The following SLC5A10 variants were observed in gnomAD, a reference collection of about 807,000 sequenced individuals.
SLC5A10 encodes solute carrier family 5 member 10.
Under a neutral mutation model 68.9 loss-of-function variants are expected in SLC5A10, and 55 were observed. The ratio of observed to expected loss-of-function variants is 0.80; its 90% CI spans 0.64 to 1.00. The LOEUF (loss-of-function observed/expected upper bound fraction) is 1.00. SLC5A10 is among the 50% of genes least tolerant of loss of function. The probability of loss-of-function intolerance (pLI) is 0.00; values close to 1 mark genes in which losing one functional copy is unlikely to be tolerated. For missense variants in SLC5A10, 732 were observed against 819.3 expected (o/e 0.89, Z 1.30); for synonymous variants, 344 against 344.8 (o/e 1.00, Z 0.02).
chr17:19,003,897 C>G lies in SLC5A10; in HGVS notation c.983-9513C>G. On this transcript the variant is annotated intron_variant, in intron 9 of 14. Coordinates refer to ENST00000395645, the MANE Select transcript of SLC5A10 (RefSeq NM_001042450.4). This position sits in a 1 kb window ranked among gnomAD's most constrained non-coding sequence, Gnocchi z 4.5. ...TCTCGGATGTTCTCCCGCTTGAGCA[C>G]CTCGTAGAAGGCGTCCCGGCCGCGG... 1 of 1,613,038 alleles carries G rather than the reference C, an allele frequency of 6.2e-7. No individual in the cohort carries two copies. Among genetic ancestry groups the G allele is most frequent in the Non-Finnish European group, 8.5e-7 (1 of 1,179,940 alleles).
Position 19,019,148 on chromosome 17 carries a change from C to T in SLC5A10, c.1242-275C>T, listed in dbSNP as rs936986505. 54 of 431,412 alleles carry T rather than the reference C, an allele frequency of 1.3e-4. 2 individuals carry two copies. Among genetic ancestry groups the T allele is most frequent in the Admixed American group, 4.1e-5 (1 of 24,534 alleles). The allele number at this position is 431,412 out of a possible 1,614,324, so 26.7% of individuals were successfully genotyped here. ...CAAGAGGGAGCTCCATGGCGGAGCT[C>T]CAAGGGCTGGCTCCGCAGAGACCCC... On this transcript the variant is annotated intron_variant, in intron 11 of 14. Transcript: ENST00000395645.
intron 5 of SLC5A10, among the ~76,000 whole-genome samples, chr17:18,964,794 C>G (rs2042677786): frequency 1.3e-5 from 2 of 152,154 alleles, no homozygotes; most frequent in African/African-American, 2.4e-5. Flanking sequence ...CCACGCAGAG[C>G]CTCTGGGCAG....
intron 1 of SLC5A10, among the ~76,000 whole-genome samples, chr17:18,958,197 A>C (rs1489875206): frequency 6.6e-6 from 1 of 152,168 alleles, no homozygotes; most frequent in Non-Finnish European, 1.5e-5. Context: ...CAGTGTCCTA[A>C]GTAGCGGGGG....
At chr17:19,015,265 TGAGGGATGAGCCGGA>T in intron 11 of SLC5A10, 66 bp downstream of exon 11, 1 of 1,167,834 alleles carries the variant, frequency 8.6e-7, no homozygotes, top group Non-Finnish European at 1.2e-6. Flanking sequence ...GCACTGACTT[TGAGGGATGAGCCGGA>T]GTTTGCCACT....
chr17:19,011,910 C>T (rs1428303501), intron 9 of SLC5A10, among the ~76,000 whole-genome samples: 1 of 151,442 alleles, frequency 6.6e-6, no homozygotes. Flanking sequence ...AGGGACGTAT[C>T]AGAAGGGGGC....
intron 9 of SLC5A10, among the ~76,000 whole-genome samples, chr17:18,999,075 C>T (rs1449565536): frequency 2.4e-4 from 36 of 152,204 alleles, no homozygotes; most frequent in Non-Finnish European, 5.1e-4. Flanking sequence ...GTCAGGAGTT[C>T]GAGACCCACC....
chr17:18,964,496 C>G (rs777217616), intron 5 of SLC5A10, among the ~76,000 whole-genome samples: 15 of 152,218 alleles, frequency 9.9e-5, no homozygotes, highest in Non-Finnish European at 1.9e-4. Context: ...GTGAGCCCCC[C>G]ACACCCATAG....
chr17:18,984,090 C>T (rs1217223830), intron 9 of SLC5A10, among the ~76,000 whole-genome samples: 4 of 152,188 alleles, frequency 2.6e-5, no homozygotes, highest in Non-Finnish European at 5.9e-5. Context: ...CGCCTGTAAT[C>T]CCCGCACTTT....
chr17:19,020,493 T>C lies in SLC5A10; in HGVS notation c.*62T>C. On this transcript the variant is annotated 3_prime_UTR_variant, in exon 15 of 15. Coordinates refer to ENST00000395645, the MANE Select transcript of SLC5A10 (RefSeq NM_001042450.4). ...TCCTCAGGTCCACCCATTTCCCTCATGGGGATCCCGAGGCCCCAAGAGGGG... is the reference window on the plus strand; with the variant it reads ...TCCTCAGGTCCACCCATTTCCCTCACGGGGATCCCGAGGCCCCAAGAGGGG... 1 of 1,530,290 alleles carries C rather than the reference T, an allele frequency of 6.5e-7. No homozygotes were observed. Among genetic ancestry groups the C allele is most frequent in the Non-Finnish European group, 9.0e-7 (1 of 1,111,620 alleles). The allele number at this position is 1,530,290 out of a possible 1,614,324, so 94.8% of individuals were successfully genotyped here. A position where few individuals can be genotyped will look rare whatever the true frequency, so the allele number is the denominator to read the frequency against.
At chr17:19,005,887 G>A (rs2043873663) in intron 9 of SLC5A10, among the ~76,000 whole-genome samples, 1 of 152,228 alleles carries the variant, frequency 6.6e-6, no homozygotes, top group South Asian at 2.1e-4. Flanking sequence ...CTGCCCCAGG[G>A]CCAGAGAGGG....
chr17:18,978,633 C>T lies in SLC5A10; in HGVS notation c.982+1644C>T, dbSNP rs1382724902. 1.1e-5 allele frequency: 18 copies of T among 1,613,014 alleles called. No individual in the cohort carries two copies. The Admixed American group carries it at 1.7e-4, about 15-fold the overall frequency. Reference sequence around the variant, plus strand: ...TTGACAAGTGCGTACTTGGGGTTGACGAGCTTCTTGGCCACAGTGCCCGCG... The same window carrying T: ...TTGACAAGTGCGTACTTGGGGTTGATGAGCTTCTTGGCCACAGTGCCCGCG... On this transcript the variant is annotated intron_variant, in intron 9 of 14. Coordinates refer to ENST00000395645, the MANE Select transcript of SLC5A10 (RefSeq NM_001042450.4).
At chr17:18,950,705 T>C (rs968455705), upstream of SLC5A10, 1 of 985,396 alleles carries the variant, frequency 1.0e-6, no homozygotes. Context: ...CTATTAATTG[T>C]TTTTTGTTGT....
chr17:18,970,982 A>G, intron 7 of SLC5A10, 31 bp from the exon 8 acceptor site: 1 of 1,609,582 alleles, frequency 6.2e-7, no homozygotes, highest in South Asian at 1.1e-5. Flanking sequence ...GCAACCACCA[A>G]ACTGTCCCTG....
At chr17:19,010,175 C>G (rs1019492694) in intron 9 of SLC5A10, among the ~76,000 whole-genome samples, 1 of 151,816 alleles carries the variant, frequency 6.6e-6, no homozygotes, top group Non-Finnish European at 1.5e-5. Context: ...TTTCGAAGTT[C>G]CCTTTGCTTG....
At chr17:18,978,328 G>C (rs1474901605) in intron 9 of SLC5A10, 3 of 1,607,578 alleles carry the variant, frequency 1.9e-6, no homozygotes, top group Non-Finnish European at 1.7e-6. Flanking sequence ...GGATCTTGAT[G>C]CGGTTCATCT....
intron 13 of SLC5A10, 25 bp downstream of exon 13, chr17:19,019,953 C>A: frequency 1.3e-6 from 2 of 1,572,118 alleles, no homozygotes; most frequent in Admixed American, 1.8e-5. Flanking sequence ...ACCCCTGACC[C>A]TGACCCCTAA....
intron 9 of SLC5A10, among the ~76,000 whole-genome samples, chr17:18,980,766 T>A (rs184582967): frequency 3.0e-4 from 46 of 152,250 alleles, no homozygotes; most frequent in African/African-American, 1.1e-3. Context: ...CTGGGGCTCA[T>A]CTGGCCCCTG....
intron 10 of SLC5A10, among the ~76,000 whole-genome samples, chr17:19,013,916 G>A (rs1249377573): frequency 1.3e-5 from 2 of 152,106 alleles, no homozygotes; most frequent in Non-Finnish European, 2.9e-5. Context: ...TAAGCTCCAA[G>A]TTCATCCATC....
chr17:18,959,567 C>T lies in SLC5A10; in HGVS notation c.289-37C>T, dbSNP rs768387741. 3 of 1,605,970 alleles carry T rather than the reference C, an allele frequency of 1.9e-6. No homozygotes were observed. In the South Asian group the frequency reaches 3.3e-5, roughly 18 times the overall value. On this transcript the variant is annotated intron_variant, in intron 3 of 14. Transcript: ENST00000395645. ...TGTCTCTGGAGCAGAGCTGTGGGAGCTGCACCTGCAGTCCTCACCTGTCTC... is the reference window on the plus strand; with the variant it reads ...TGTCTCTGGAGCAGAGCTGTGGGAGTTGCACCTGCAGTCCTCACCTGTCTC...
Sources: gnomAD v4.1 joint callset for allele counts (sites outside exome capture counted in the v4.1 genomes callset) on GRCh38, gnomAD v4.1.1 for gene constraint, Gnocchi (gnomAD v3.1) non-coding constraint, MANE v1.5 for transcripts, NCBI Gene and HGNC (gene_info 2026-07-23, HGNC 2026-07-21) for gene names.